STYXL2: variants seen among roughly 807,000 people sequenced by gnomAD.
The protein encoded by STYXL2 is serine/threonine/tyrosine-interacting-like protein 2.
A neutral mutation model predicts 52.4 loss-of-function variants in STYXL2; 44 were observed. The ratio of observed to expected loss-of-function variants is 0.84; its 90% CI spans 0.66 to 1.08. STYXL2 has a LOEUF of 1.08. STYXL2 is among the 50% of genes least tolerant of loss of function. STYXL2 has a pLI of 0.00. For missense variants in STYXL2, 1,604 were observed against 1,471.7 expected, an observed-to-expected ratio of 1.09 and a Z score of -1.47; for synonymous variants, 604 against 586.9, an observed-to-expected ratio of 1.03 and a Z score of -0.42.
intron 3 of STYXL2, 28 bp from the exon 4 acceptor site, chr1:167,117,300 T>C (rs1667745295): frequency 6.4e-7 from 1 of 1,567,908 alleles, no homozygotes; most frequent in African/African-American, 1.4e-5. Context: ...CCTAACTCTC[T>C]GATGAGAATG....
intron 3 of STYXL2, among the ~76,000 whole-genome samples, chr1:167,115,074 T>C (rs956452150): frequency 6.6e-6 from 1 of 152,248 alleles, no homozygotes; most frequent in Non-Finnish European, 1.5e-5. Flanking sequence ...ACATTTTCTC[T>C]CTTTGAAAGC....
chr1:167,097,994 C>A (rs940448077), intron 2 of STYXL2, among the ~76,000 whole-genome samples: 7 of 145,920 alleles, frequency 4.8e-5, no homozygotes, highest in African/African-American at 1.8e-4. Context: ...GAGGCCCTGT[C>A]TCTACAAACT....
chr1:167,123,350 A>G (rs1027153393), intron 5 of STYXL2, among the ~76,000 whole-genome samples: 1 of 152,198 alleles, frequency 6.6e-6, no homozygotes, highest in African/African-American at 2.4e-5. Context: ...TGGCACCCCA[A>G]CCTGGTCTCC....
At chr1:167,117,037 T>A (rs1667739399) in intron 3 of STYXL2, among the ~76,000 whole-genome samples, 1 of 152,196 alleles carries the variant, frequency 6.6e-6, no homozygotes, top group Non-Finnish European at 1.5e-5. Context: ...TTAAGGAACT[T>A]GGTCTAAAAA....
intron 5 of STYXL2, among the ~76,000 whole-genome samples, chr1:167,119,951 T>C (rs1343263270): frequency 6.6e-6 from 1 of 151,996 alleles, no homozygotes; most frequent in African/African-American, 2.4e-5. Context: ...AGTGCAAAGA[T>C]CCAAAGGTGG....
In STYXL2 at chr1:167,127,083, C is replaced by A; in HGVS notation, c.1952C>A (p.Ser651Tyr). 1 of 1,613,442 alleles carries A rather than the reference C, an allele frequency of 6.2e-7. No homozygotes were observed. The highest frequency in any genetic ancestry group is 1.1e-5 in the South Asian group (1 of 90,976). Residue 651 changes from serine to tyrosine, a missense_variant, in exon 6 of 6, where the codon TCC becomes TAC. Coordinates refer to ENST00000361200, the MANE Select transcript of STYXL2 (RefSeq NM_001080426.3). ...ATGGCAAGCTGGGAGGCGGACAGCT[C>A]CACGGCCAGCGGGAGCATTCCCCTG... Reference protein sequence around the residue: ...QSMASWEADSSTASGSIPLSA... With the variant: ...QSMASWEADSYTASGSIPLSA...
At chr1:167,120,773 T>G (rs187351732) in intron 5 of STYXL2, among the ~76,000 whole-genome samples, 1 of 137,868 alleles carries the variant, frequency 7.3e-6, no homozygotes, top group African/African-American at 2.6e-5. Flanking sequence ...TGAACCACCA[T>G]GCCTGGCCAA....
At chr1:167,120,012 A>T (rs1038738139) in intron 5 of STYXL2, among the ~76,000 whole-genome samples, 8 of 152,238 alleles carry the variant, frequency 5.3e-5, no homozygotes, top group African/African-American at 1.7e-4. Flanking sequence ...AGCATGGTGG[A>T]TGAAGGTTGA....
chr1:167,119,374 G>C lies in STYXL2; in HGVS notation c.563G>C (p.Gly188Ala). 6.2e-7 allele frequency: 1 copy of C among 1,614,248 alleles called. No individual in the cohort carries two copies. Among genetic ancestry groups the C allele is most frequent in the Non-Finnish European group, 8.5e-7 (1 of 1,180,044 alleles). The change falls in exon 5 of 6, where the codon GGT becomes GCT. Residue 188 changes from glycine (G) to alanine (A), a missense_variant. Transcript: ENST00000361200. ...ACTGGCCTGGAGATCCAGTACCTGG[G>C]TGTAGAGGTGGATGACTTTCCTGAG... ...FYTGLEIQYLGVEVDDFPEVD... is the reference protein window; with the variant it reads ...FYTGLEIQYLAVEVDDFPEVD...
chr1:167,101,515 C>T (rs1355188019), intron 2 of STYXL2, among the ~76,000 whole-genome samples: 1 of 152,122 alleles, frequency 6.6e-6, no homozygotes, highest in Non-Finnish European at 1.5e-5. Context: ...AAATGAAGGC[C>T]TATGTCTGCA....
At chr1:167,114,028 G>A (rs1430146440) in intron 3 of STYXL2, among the ~76,000 whole-genome samples, 1 of 152,194 alleles carries the variant, frequency 6.6e-6, no homozygotes, top group Non-Finnish European at 1.5e-5. Context: ...CAGAGAGGCA[G>A]CACCAATCTG....
intron 2 of STYXL2, among the ~76,000 whole-genome samples, chr1:167,098,168 C>A (rs1455142972): frequency 6.6e-6 from 1 of 151,920 alleles, no homozygotes; most frequent in Admixed American, 6.6e-5. Context: ...CAAGCTACCC[C>A]ACCCAGCTAA....
At position 167,094,482 on chromosome 1, in the gene STYXL2, C is replaced by T. The variant is rs1379527086; in HGVS notation, c.-17+288C>T. 26 of 277,008 alleles carry T rather than the reference C, an allele frequency of 9.4e-5. No individual in the cohort carries two copies. In the South Asian group the frequency reaches 1.0e-3, roughly 11 times the overall value. 17.2% of individuals were successfully genotyped at this position (277,008 alleles called of 1,614,324 possible). On this transcript the variant is annotated intron_variant, in intron 1 of 5. Coordinates refer to ENST00000361200, the MANE Select transcript of STYXL2 (RefSeq NM_001080426.3). ...GTGTATGCACATCCTATAATTTCAA[C>T]TGAAAAATCTTGCTGGTCCAGGGAA... is the stretch of plus-strand genomic sequence containing the variant.
intron 5 of STYXL2, among the ~76,000 whole-genome samples, chr1:167,121,753 C>G (rs1007266466): frequency 6.6e-6 from 1 of 152,234 alleles, no homozygotes; most frequent in Non-Finnish European, 1.5e-5. Flanking sequence ...CTACCCCGGC[C>G]GGAGACCGTA....
At chr1:167,107,080 C>A (rs1408904017) in intron 2 of STYXL2, among the ~76,000 whole-genome samples, 1 of 152,110 alleles carries the variant, frequency 6.6e-6, no homozygotes, top group African/African-American at 2.4e-5. Context: ...CTGCAAGGTC[C>A]ATTTCTAAGA....
intron 5 of STYXL2, among the ~76,000 whole-genome samples, chr1:167,124,299 C>T (rs1227148681): frequency 6.6e-6 from 1 of 152,154 alleles, no homozygotes; most frequent in African/African-American, 2.4e-5. Context: ...CCTCAAGTCC[C>T]CTGAATTTTC....
intron 2 of STYXL2, among the ~76,000 whole-genome samples, chr1:167,097,144 C>T (rs769755920): frequency 1.3e-5 from 2 of 152,174 alleles, no homozygotes; most frequent in African/African-American, 4.8e-5. Flanking sequence ...CTAGCTCTGC[C>T]CTCCTAGCTG....
intron 5 of STYXL2, among the ~76,000 whole-genome samples, chr1:167,120,918 A>G (rs1390312709): frequency 6.7e-6 from 1 of 148,878 alleles, no homozygotes; most frequent in Non-Finnish European, 1.5e-5. Context: ...ATGTGTATAT[A>G]TACAGACATG....
intron 4 of STYXL2, among the ~76,000 whole-genome samples, chr1:167,118,290 C>A (rs575984804): frequency 6.6e-6 from 1 of 152,306 alleles, no homozygotes; most frequent in East Asian, 1.9e-4. Context: ...ATAATTGCGA[C>A]CACTTGGTTA....
Sources: allele counts gnomAD v4.1 joint callset (sites outside exome capture counted in the v4.1 genomes callset), GRCh38; gene constraint gnomAD v4.1.1; transcripts MANE v1.5; gene names NCBI Gene and HGNC (gene_info 2026-07-23, HGNC 2026-07-21).